Variants in SCAP observed in about 807,000 individuals in gnomAD.
SCAP encodes sterol regulatory element-binding protein cleavage-activating protein.
In SCAP, 65 loss-of-function variants were observed where a neutral mutation model predicts 123.6. That is an observed-to-expected ratio of 0.53 (90% CI 0.43 to 0.65). The LOEUF is 0.65. Among genes scored for constraint, SCAP ranks in the 30% least tolerant of loss-of-function variants. SCAP has a pLI of 0.00. For synonymous variants in SCAP, 740 were observed against 726.3 expected, an observed-to-expected ratio of 1.02 and a Z score of -0.30; for missense variants, 1,398 against 1,712.5, an observed-to-expected ratio of 0.82 and a Z score of 3.24.
intron 1 of SCAP, among the ~76,000 whole-genome samples, chr3:47,467,594 C>T (rs956112706): frequency 1.3e-5 from 2 of 151,478 alleles, no homozygotes; most frequent in Non-Finnish European, 2.9e-5. Flanking sequence ...AGCAAGAAGA[C>T]CCCGTCTCAA....
At chr3:47,457,898 C>T (rs1707488299) in intron 1 of SCAP, among the ~76,000 whole-genome samples, 1 of 151,846 alleles carries the variant, frequency 6.6e-6, no homozygotes, top group African/African-American at 2.4e-5. Flanking sequence ...TGGAGCGAGA[C>T]TCCGTCTCAA....
rs544872037 is a variant in SCAP at position 47,475,852 on chromosome 3, C to T, written c.-152G>A. 73 of 161,148 alleles carry T rather than the reference C, an allele frequency of 4.5e-4. No homozygotes were observed. Among genetic ancestry groups the T allele is most frequent in the African/African-American group, 1.2e-3 (49 of 41,614 alleles). The allele number at this position is 161,148 out of a possible 1,614,324, so 10.0% of individuals were successfully genotyped here. On this transcript the variant is annotated 5_prime_UTR_variant, in exon 1 of 23. Transcript: ENST00000265565. Reference sequence around the variant, plus strand: ...GCGGCGGCGGCGGCGGCGACGGGGGCGGCAGCAGGGGCGGAGCGCGGCGTG... The same window carrying T: ...GCGGCGGCGGCGGCGGCGACGGGGGTGGCAGCAGGGGCGGAGCGCGGCGTG...
intron 1 of SCAP, among the ~76,000 whole-genome samples, chr3:47,465,302 C>G (rs1330515267): frequency 2.0e-5 from 3 of 151,988 alleles, no homozygotes; most frequent in Admixed American, 2.0e-4. Context: ...TCCTGAGTAA[C>G]TGGGATTACA....
upstream of SCAP, among the ~76,000 whole-genome samples, chr3:47,476,665 G>A (rs1708279432): frequency 6.6e-6 from 1 of 152,302 alleles, no homozygotes; most frequent in South Asian, 2.1e-4. Flanking sequence ...AGCTGGTATT[G>A]TACATGTCCT....
chr3:47,442,519 C>G (rs1706847018), intron 2 of SCAP, among the ~76,000 whole-genome samples: 1 of 152,242 alleles, frequency 6.6e-6, no homozygotes, highest in East Asian at 1.9e-4. Context: ...ACAAAAAAGG[C>G]TCTTGCACTT....
At chr3:47,462,361 C>T (rs1707672853) in intron 1 of SCAP, among the ~76,000 whole-genome samples, 1 of 152,128 alleles carries the variant, frequency 6.6e-6, no homozygotes, top group Admixed American at 6.6e-5. Context: ...AACCTCTGCC[C>T]CATCGGCTAT....
At chr3:47,466,136 C>CAAAAAAAAAA (rs1169935544) in intron 1 of SCAP, among the ~76,000 whole-genome samples, 5 of 96,112 alleles carry the variant, frequency 5.2e-5, no homozygotes, top group East Asian at 2.6e-4. Flanking sequence ...TCTTAAAAAC[C>CAAAAAAAAAA]AAAAAAAAAA....
intron 1 of SCAP, among the ~76,000 whole-genome samples, chr3:47,464,275 C>G (rs1707748362): frequency 6.6e-6 from 1 of 152,052 alleles, no homozygotes; most frequent in South Asian, 2.1e-4. Flanking sequence ...CTCGGCCTCT[C>G]AAAGTGCTGG....
intron 3 of SCAP, among the ~76,000 whole-genome samples, chr3:47,431,470 C>G (rs1048702023): frequency 2.0e-5 from 3 of 151,750 alleles, no homozygotes; most frequent in African/African-American, 7.3e-5. Flanking sequence ...TTCCAGGATC[C>G]CATCCAGGAA....
intron 18 of SCAP, 90 bp downstream of exon 18, chr3:47,417,032 G>T: frequency 8.6e-7 from 1 of 1,164,804 alleles, no homozygotes; most frequent in Non-Finnish European, 1.3e-6. Context: ...CAGTACAGCA[G>T]TTGAAGAGAA....
Position 47,420,681 on chromosome 3 carries a change from G to A in SCAP, c.1436C>T (p.Ala479Val), listed in dbSNP as rs757711612. Residue 479 changes from alanine to valine, a missense_variant, in exon 12 of 23, where the codon GCT becomes GTT. Ala to Val is a moderately conservative substitution (Grantham distance 64). Transcript: ENST00000265565. This position sits in a 1 kb window ranked among gnomAD's most constrained non-coding sequence, Gnocchi z 5.0. ...GGTGTGGGGTGTGGACGGCCTCACA[G>A]CCAGCTGCCGCTCGTAGCGCGTTGG... is the stretch of plus-strand genomic sequence containing the variant. ...GQPTRYERQL[A>V]VRPSTPHTIT... 19 of 1,611,412 alleles carry A rather than the reference G, an allele frequency of 1.2e-5. No individual in the cohort carries two copies. The Admixed American group carries it at 2.8e-4, about 24-fold the overall frequency.
chr3:47,435,212 A>G, intron 2 of SCAP, 75 bp from the exon 3 acceptor site: 2 of 1,468,328 alleles, frequency 1.4e-6, no homozygotes, highest in South Asian at 2.7e-5. Flanking sequence ...CACAGGAGCC[A>G]CTGGAGTTAA....
chr3:47,466,147 A>C (rs935430211), intron 1 of SCAP, among the ~76,000 whole-genome samples: 4 of 151,500 alleles, frequency 2.6e-5, no homozygotes, highest in Non-Finnish European at 1.5e-5. Context: ...AAAAAAAAAA[A>C]AAAAAAAAAA....
At chr3:47,438,383 G>T (rs1055301598) in intron 2 of SCAP, among the ~76,000 whole-genome samples, 3 of 150,896 alleles carry the variant, frequency 2.0e-5, no homozygotes, top group African/African-American at 4.9e-5. Flanking sequence ...ATAATACTAC[G>T]GTCTGCCTCC....
rs1250728544 is a variant in SCAP, at chr3:47,420,225, T to G, written c.1563+329A>C. On this transcript the variant is annotated intron_variant, in intron 12 of 22. Coordinates refer to ENST00000265565, the MANE Select transcript of SCAP (RefSeq NM_012235.4). The surrounding 1 kb of genome is among the most constrained non-coding windows in gnomAD (Gnocchi z 5.0). ...TGTCTGCACACCATGCAGCGGCCGATGAACCCGACCCAGGGCAATGTGGTG... is the reference window on the plus strand; with the variant it reads ...TGTCTGCACACCATGCAGCGGCCGAGGAACCCGACCCAGGGCAATGTGGTG... 5.3e-5 allele frequency among the ~76,000 whole-genome samples: 8 copies of G among 152,180 alleles called. No homozygotes were observed. Among genetic ancestry groups the G allele is most frequent in the Non-Finnish European group, 7.3e-5 (5 of 68,030 alleles).
At chr3:47,473,406 A>C (rs928430909) in intron 1 of SCAP, among the ~76,000 whole-genome samples, 5 of 152,174 alleles carry the variant, frequency 3.3e-5, no homozygotes, top group Non-Finnish European at 7.3e-5. Flanking sequence ...TTGTTTCTTT[A>C]GCCAACTCAG....
At chr3:47,428,489 G>A in intron 4 of SCAP, 24 bp downstream of exon 4, 1 of 1,611,354 alleles carries the variant, frequency 6.2e-7, no homozygotes, top group Non-Finnish European at 8.5e-7. Flanking sequence ...GATTCAGGGA[G>A]GCCAGGGTCC....
intron 2 of SCAP, among the ~76,000 whole-genome samples, chr3:47,436,392 G>T (rs1485885010): frequency 1.3e-5 from 2 of 152,158 alleles, no homozygotes; most frequent in Non-Finnish European, 2.9e-5. Flanking sequence ...AACACTTTGG[G>T]AGAGGCCAAG....
At chr3:47,438,692 T>C (rs1159544214) in intron 2 of SCAP, among the ~76,000 whole-genome samples, 1 of 151,852 alleles carries the variant, frequency 6.6e-6, no homozygotes, top group Non-Finnish European at 1.5e-5. Context: ...CACACGCCTG[T>C]AATCCTAGCT....
Sources: gnomAD v4.1 joint callset for allele counts (sites outside exome capture counted in the v4.1 genomes callset) on GRCh38, gnomAD v4.1.1 for gene constraint, Gnocchi (gnomAD v3.1) non-coding constraint, MANE v1.5 for transcripts, NCBI Gene and HGNC (gene_info 2026-07-23, HGNC 2026-07-21) for gene names.